Variants in EXOC6B observed in about 807,000 individuals in gnomAD.
The protein encoded by EXOC6B is SEC15 homolog B.
In EXOC6B, 54 loss-of-function variants were observed where a neutral mutation model predicts 113.5. The observed-to-expected ratio is 0.48, with a 90% CI of 0.38 to 0.60. The LOEUF is 0.60. Ranked by LOEUF, EXOC6B falls within the 20% of genes least tolerant of loss-of-function variation. EXOC6B has a pLI of 0.00. For missense variants in EXOC6B, 797 were observed against 977.5 expected, an observed-to-expected ratio of 0.82 and a Z score of 2.46; for synonymous variants, 357 against 339.0, an observed-to-expected ratio of 1.05 and a Z score of -0.58.
chr2:72,562,712 G>A (rs995628745), intron 7 of EXOC6B, among the ~76,000 whole-genome samples: 5 of 152,140 alleles, frequency 3.3e-5, no homozygotes, highest in South Asian at 2.1e-4. Flanking sequence ...GTGGTAGGAC[G>A]TTGTCATTTC....
At chr2:72,791,341 C>T (rs934889369) in intron 1 of EXOC6B, among the ~76,000 whole-genome samples, 1 of 152,072 alleles carries the variant, frequency 6.6e-6, no homozygotes, top group African/African-American at 2.4e-5. Context: ...CTGTGGAGTT[C>T]AAGCCCAGCC....
chr2:72,460,054 T>C (rs62149324), intron 18 of EXOC6B, among the ~76,000 whole-genome samples: 18,675 of 151,468 alleles, frequency 0.12, 1,309 homozygotes, highest in African/African-American at 0.2. Context: ...TAACGCTGCA[T>C]ATCTACAACT....
At chr2:72,682,000 T>TAA (rs34379127) in intron 6 of EXOC6B, among the ~76,000 whole-genome samples, 1,719 of 142,260 alleles carry the variant, frequency 0.012, 25 homozygotes, top group African/African-American at 0.03. Flanking sequence ...CAGAATCTCT[T>TAA]AAAAAAAAAA....
intron 6 of EXOC6B, among the ~76,000 whole-genome samples, chr2:72,590,453 C>T (rs1444649627): frequency 6.6e-6 from 1 of 151,922 alleles, no homozygotes; most frequent in Non-Finnish European, 1.5e-5. Context: ...CTATGCTATG[C>T]TTGATTCATA....
At chr2:72,432,888 T>C (rs929791155) in intron 18 of EXOC6B, among the ~76,000 whole-genome samples, 9 of 152,352 alleles carry the variant, frequency 5.9e-5, no homozygotes, top group African/African-American at 2.2e-4. Context: ...TAGTTTCTTT[T>C]GCTGTGCAGA....
chr2:72,513,081 T>C, intron 11 of EXOC6B, 51 bp downstream of exon 11: 2 of 1,601,364 alleles, frequency 1.2e-6, no homozygotes, highest in Non-Finnish European at 1.7e-6. Context: ...AAACACTGAA[T>C]ATATAGATAA....
intron 6 of EXOC6B, among the ~76,000 whole-genome samples, chr2:72,675,822 GC>G (rs1430521675): frequency 1.3e-4 from 20 of 151,498 alleles, no homozygotes; most frequent in Admixed American, 5.9e-4. Context: ...GTTGGTGGGG[GC>G]GGGGGGGCGG....
chr2:72,427,007 A>T (rs1695235451), intron 18 of EXOC6B, among the ~76,000 whole-genome samples: 1 of 152,102 alleles, frequency 6.6e-6, no homozygotes, highest in Admixed American at 6.5e-5. Flanking sequence ...AGCCTCAGCC[A>T]CTCCAGACCC....
chr2:72,612,799 C>CT (rs1671155613), intron 6 of EXOC6B, among the ~76,000 whole-genome samples: 3 of 152,202 alleles, frequency 2.0e-5, no homozygotes, highest in Non-Finnish European at 4.4e-5. Context: ...ACAAAATAAA[C>CT]TCCGTATTTG....
At chr2:72,318,145 T>A (rs1158230016) in intron 20 of EXOC6B, among the ~76,000 whole-genome samples, 1 of 152,174 alleles carries the variant, frequency 6.6e-6, no homozygotes, top group Non-Finnish European at 1.5e-5. Context: ...CAGATGACCA[T>A]AGTTTTCAGA....
At chr2:72,800,696 T>C (rs1238914537) in intron 1 of EXOC6B, among the ~76,000 whole-genome samples, 1 of 152,128 alleles carries the variant, frequency 6.6e-6, no homozygotes, top group African/African-American at 2.4e-5. Flanking sequence ...AAATAAGTAA[T>C]AGAGCCAGAA....
intron 6 of EXOC6B, among the ~76,000 whole-genome samples, chr2:72,653,573 A>T (rs974372400): frequency 4.0e-5 from 6 of 149,910 alleles, no homozygotes; most frequent in African/African-American, 7.5e-5. Flanking sequence ...AAAATAAAAT[A>T]AAAAAATAAA....
intron 20 of EXOC6B, among the ~76,000 whole-genome samples, chr2:72,226,054 C>G (rs993673194): frequency 1.3e-5 from 2 of 151,870 alleles, no homozygotes; most frequent in Non-Finnish European, 2.9e-5. Context: ...GACTAGAAAT[C>G]GAATGTAAAA....
At chr2:72,695,116 C>T (rs1309286297) in intron 6 of EXOC6B, among the ~76,000 whole-genome samples, 3 of 152,182 alleles carry the variant, frequency 2.0e-5, no homozygotes, top group Non-Finnish European at 4.4e-5. Context: ...GCGGGAAAGA[C>T]GGCTGGATGC....
chr2:72,212,095 G>A (rs1266264927), intron 20 of EXOC6B, among the ~76,000 whole-genome samples: 3 of 152,198 alleles, frequency 2.0e-5, no homozygotes, highest in Non-Finnish European at 4.4e-5. Context: ...CAAGAATGGT[G>A]TATCAAAATG....
chr2:72,696,825 G>T (rs1167104583), intron 6 of EXOC6B, among the ~76,000 whole-genome samples: 3 of 152,086 alleles, frequency 2.0e-5, no homozygotes, highest in African/African-American at 7.2e-5. Flanking sequence ...ATAAAAAAAT[G>T]ATAAGTCAGT....
chr2:72,722,401 C>T (rs546902414), intron 5 of EXOC6B, among the ~76,000 whole-genome samples: 1 of 152,142 alleles, frequency 6.6e-6, no homozygotes, highest in South Asian at 2.1e-4. Flanking sequence ...ACTCTTCTTG[C>T]TCTAATGAAT....
At chr2:72,644,342 G>A (rs1410537110) in intron 6 of EXOC6B, among the ~76,000 whole-genome samples, 1 of 152,150 alleles carries the variant, frequency 6.6e-6, no homozygotes, top group Admixed American at 6.5e-5. Flanking sequence ...GAAAATGATG[G>A]GAAGAATGGA....
chr2:72,316,781 A>T (rs1168359794), intron 20 of EXOC6B, among the ~76,000 whole-genome samples: 1 of 152,202 alleles, frequency 6.6e-6, no homozygotes, highest in Non-Finnish European at 1.5e-5. Flanking sequence ...TTACAAGAGC[A>T]TTTGTAATGA....
Sources: gnomAD v4.1 joint callset for allele counts (sites outside exome capture counted in the v4.1 genomes callset) on GRCh38, gnomAD v4.1.1 for gene constraint, MANE v1.5 for transcripts, NCBI Gene and HGNC (gene_info 2026-07-23, HGNC 2026-07-21) for gene names.